IGSF10: variants seen among roughly 807,000 people sequenced by gnomAD.
IGSF10 encodes the protein immunoglobulin superfamily member 10.
IGSF10 carries 126 observed loss-of-function variants against 128.2 expected under a neutral mutation model. The observed-to-expected ratio is 0.98, with a 90% confidence interval of 0.85 to 1.14. The LOEUF is 1.14. IGSF10 is among the 50% of genes most tolerant of loss of function. The pLI is 0.00. For missense variants in IGSF10, 3,295 were observed against 3,149.8 expected, an observed-to-expected ratio of 1.05 and a Z score of -1.10; for synonymous variants, 1,185 against 1,146.2, an observed-to-expected ratio of 1.03 and a Z score of -0.68.
chr3:151,477,667 T>C, the IGSF10 span, among the ~76,000 whole-genome samples: 2 of 152,210 alleles, frequency 1.3e-5, no homozygotes, highest in Non-Finnish European at 2.9e-5. Flanking sequence ...GAGAAGTTAC[T>C]TTGTTTTTCA....
intron 7 of IGSF10, 132 bp from the exon 8 acceptor site, chr3:151,438,729 A>C (rs1720629962): frequency 1.6e-6 from 1 of 635,614 alleles, no homozygotes; most frequent in Non-Finnish European, 2.7e-6. Flanking sequence ...TTTGAGGTGT[A>C]GAACATGACA....
the IGSF10 span, among the ~76,000 whole-genome samples, chr3:151,573,165 G>T: frequency 6.6e-6 from 1 of 152,108 alleles, no homozygotes; most frequent in Non-Finnish European, 1.5e-5. Context: ...GGTCAATTTT[G>T]CAATAAGTGC....
the IGSF10 span, among the ~76,000 whole-genome samples, chr3:151,612,649 C>A: frequency 6.6e-6 from 1 of 151,964 alleles, no homozygotes; most frequent in Non-Finnish European, 1.5e-5. Context: ...TTATATGATA[C>A]GAACAAAGGT....
the IGSF10 span, among the ~76,000 whole-genome samples, chr3:151,618,988 G>A: frequency 1.3e-5 from 2 of 151,212 alleles, no homozygotes; most frequent in African/African-American, 4.8e-5. Context: ...CTATCACGGT[G>A]TTTTCAATAG....
chr3:151,443,525 G>C lies in IGSF10; in HGVS notation c.5422C>G (p.His1808Asp). 1 of 1,614,230 alleles carries C rather than the reference G, an allele frequency of 6.2e-7. No homozygotes were observed. The highest frequency in any genetic ancestry group is 2.2e-5 in the East Asian group (1 of 44,886). ...CCACGGTCATAAATACTGAGATTGTGGAGGACCAATGTTCCGTCAACCGTC... is the reference window on the plus strand; with the variant it reads ...CCACGGTCATAAATACTGAGATTGTCGAGGACCAATGTTCCGTCAACCGTC... Reference protein sequence around the residue: ...VVTVDGTLVLHNLSIYDRGFY... With the variant: ...VVTVDGTLVLDNLSIYDRGFY... The change falls in exon 7 of 8, where the codon CAC (histidine) becomes GAC (aspartate). Residue 1808 changes from histidine (H) to aspartate (D), a missense_variant. His to Asp is a moderately conservative substitution (Grantham distance 81). Transcript: ENST00000282466.
Position 151,437,247 on chromosome 3 carries a change from T to G in IGSF10, c.7314A>C (p.Ala2438=), listed in dbSNP as rs772304441. Residue 2438 remains alanine, a synonymous_variant, in exon 8 of 8, where the codon GCA becomes GCC. Coordinates refer to ENST00000282466, the MANE Select transcript of IGSF10 (RefSeq NM_178822.5). ...IGQKPVILTY[A]PGTVKGISGE... is the part of the protein sequence containing the mutation. ...CACTGATGCCTTTTACTGTCCCTGGTGCATAGGTAAGAATAACTGGCTTCT... is the reference window on the plus strand; with the variant it reads ...CACTGATGCCTTTTACTGTCCCTGGGGCATAGGTAAGAATAACTGGCTTCT... 5 of 1,614,112 alleles carry G rather than the reference T, an allele frequency of 3.1e-6. No homozygotes were observed. Among genetic ancestry groups the G allele is most frequent in the Non-Finnish European group, 4.2e-6 (5 of 1,180,034 alleles).
At chr3:151,479,344 A>G in the IGSF10 span, among the ~76,000 whole-genome samples, 5 of 152,182 alleles carry the variant, frequency 3.3e-5, no homozygotes, top group African/African-American at 1.2e-4. Context: ...TTAATGTGAA[A>G]GCAAACTTTT....
the IGSF10 span, among the ~76,000 whole-genome samples, chr3:151,488,377 G>A: frequency 2.0e-5 from 3 of 152,194 alleles, no homozygotes; most frequent in South Asian, 2.1e-4. Flanking sequence ...AATCAATATC[G>A]TGAAAATGGC....
chr3:151,470,887 A>G, the IGSF10 span, among the ~76,000 whole-genome samples: 1 of 152,182 alleles, frequency 6.6e-6, no homozygotes, highest in Non-Finnish European at 1.5e-5. Flanking sequence ...GCAGACTAAC[A>G]TCTTATGAAT....
In IGSF10 at chr3:151,453,851, A is replaced by T. The variant is rs189184866; in HGVS notation, c.325-77T>A. On this transcript the variant is annotated intron_variant, in intron 4 of 7. Coordinates refer to ENST00000282466, the MANE Select transcript of IGSF10 (RefSeq NM_178822.5). ...GAGGGAAAAGTCCTATCAATAACAA[A>T]ACTTATGTTGAAATTAATTCAGTGC... 1.1e-5 allele frequency: 10 copies of T among 873,270 alleles called. No homozygotes were observed. The African/African-American group carries it at 1.7e-4, about 15-fold the overall frequency. The allele number at this position is 873,270 out of a possible 1,614,324, so 54.1% of individuals were successfully genotyped here.
At chr3:151,570,293 C>T in the IGSF10 span, among the ~76,000 whole-genome samples, 1 of 151,928 alleles carries the variant, frequency 6.6e-6, no homozygotes, top group African/African-American at 2.4e-5. Context: ...AGTTCTAGAT[C>T]CCTGAGGAAT....
chr3:151,471,357 G>T, the IGSF10 span, among the ~76,000 whole-genome samples: 1 of 152,138 alleles, frequency 6.6e-6, no homozygotes, highest in East Asian at 1.9e-4. Flanking sequence ...GGCCCTTCAT[G>T]TTGATTTCTA....
rs967572891 is a variant in IGSF10, at chr3:151,438,174, T to G, written c.6387A>C (p.Glu2129Asp). 4 of 1,614,044 alleles carry G rather than the reference T, an allele frequency of 2.5e-6. No individual in the cohort carries two copies. The highest frequency in any genetic ancestry group is 3.4e-6 in the Non-Finnish European group (4 of 1,180,026). Residue 2129 changes from glutamate (E) to aspartate (D), a missense_variant, in exon 8 of 8, where the codon GAA becomes GAC. Glu to Asp is a conservative substitution (Grantham distance 45, BLOSUM62 2). Coordinates refer to ENST00000282466, the MANE Select transcript of IGSF10 (RefSeq NM_178822.5). The stretch of plus-strand genomic sequence containing the variant: ...TTATAACTGTTAAGTGGACCTTCAT[T>G]TCATCTTTCCCTAGGGTGTTCTGGG... ...CYAQNTLGKD[E>D]MKVHLTVITA...
chr3:151,499,552 A>T, the IGSF10 span: 1 of 152,060 alleles, frequency 6.6e-6, no homozygotes, highest in Non-Finnish European at 1.5e-5. Flanking sequence ...GGCACTCTAT[A>T]AACTCTCTAT....
At chr3:151,608,568 C>G in the IGSF10 span, among the ~76,000 whole-genome samples, 1 of 152,184 alleles carries the variant, frequency 6.6e-6, no homozygotes, top group Admixed American at 6.5e-5. Flanking sequence ...CACTTACTCT[C>G]TTTCACTTTT....
chr3:151,545,090 A>G, the IGSF10 span, among the ~76,000 whole-genome samples: 2 of 152,146 alleles, frequency 1.3e-5, no homozygotes, highest in African/African-American at 4.8e-5. Context: ...TTGTTTCACA[A>G]CTGTAATATA....
chr3:151,536,986 AGT>A, the IGSF10 span, among the ~76,000 whole-genome samples: 1 of 152,202 alleles, frequency 6.6e-6, no homozygotes, highest in Non-Finnish European at 1.5e-5. Context: ...GCCCAATAAG[AGT>A]GAGATCCCCA....
the IGSF10 span, among the ~76,000 whole-genome samples, chr3:151,478,631 G>C: frequency 6.6e-6 from 1 of 152,110 alleles, no homozygotes; most frequent in Admixed American, 6.6e-5. Flanking sequence ...TTTCTTTTCA[G>C]AATTCTGTAT....
chr3:151,519,649 C>CT, the IGSF10 span, among the ~76,000 whole-genome samples: 2 of 151,684 alleles, frequency 1.3e-5, no homozygotes, highest in African/African-American at 2.4e-5. Context: ...TAGACATCAT[C>CT]TTTTTTCTTT....
Sources: gnomAD v4.1 joint callset for allele counts (sites outside exome capture counted in the v4.1 genomes callset) on GRCh38, gnomAD v4.1.1 for gene constraint, MANE v1.5 for transcripts, NCBI Gene and HGNC (gene_info 2026-07-23, HGNC 2026-07-21) for gene names.